Variants in GPM6B observed in about 807,000 individuals in gnomAD.
GPM6B encodes glycoprotein M6B, also known as neuronal membrane glycoprotein M6-b.
In GPM6B, 4 loss-of-function variants were observed where a neutral mutation model predicts 27.2. That is an observed-to-expected ratio of 0.15 (90% confidence interval 0.07 to 0.34). The LOEUF (loss-of-function observed/expected upper bound fraction) is 0.34. Among genes scored for constraint, GPM6B ranks in the 10% least tolerant of loss-of-function variants. The pLI is 1.00. For missense variants in GPM6B, 183 were observed against 261.9 expected, an observed-to-expected ratio of 0.70 and a Z score of 2.08; for synonymous variants, 124 against 103.1, an observed-to-expected ratio of 1.20 and a Z score of -1.23.
intron 1 of GPM6B, among the ~76,000 whole-genome samples, chrX:13,827,781 G>C (rs1450033912): frequency 8.9e-6 from 1 of 112,407 alleles, no homozygotes; most frequent in Non-Finnish European, 1.9e-5. Flanking sequence ...AAGTGCAGCA[G>C]AAGTAGCGAT....
chrX:13,925,881 C>T (rs1037447076), intron 1 of GPM6B, among the ~76,000 whole-genome samples: 1 of 107,236 alleles, frequency 9.3e-6, no homozygotes, highest in African/African-American at 3.4e-5. Context: ...GGTGAAACCC[C>T]ATCTCTACTA....
chrX:13,924,148 A>G lies in GPM6B; in HGVS notation c.-198+14179T>C, dbSNP rs1035230241. 3.6e-5 allele frequency among the ~76,000 whole-genome samples: 4 copies of G among 112,380 alleles called. No homozygotes were observed. In the Admixed American group the frequency reaches 3.8e-4, roughly 11 times the overall value. On this transcript the variant is annotated intron_variant, in intron 1 of 6. Transcript: ENST00000398361. ...CCAACACAGAGTACAATTGCTACAC[A>G]GCAGACTCATCTGCATATAACCTTA...
chrX:13,916,541 C>A (rs1006305235), intron 1 of GPM6B, among the ~76,000 whole-genome samples: 3 of 111,618 alleles, frequency 2.7e-5, no homozygotes, highest in Non-Finnish European at 3.8e-5. Context: ...CCACAAAGCC[C>A]AGCACCTTCC....
rs556161706 is a variant in GPM6B at position 13,844,757 on chromosome X, C to G, written c.-197-58949G>C. ...TGGTTGTCTATAGCTACAAGTGGTT[C>G]CCCCTCAAAGTCAGCCAACATCTTT... On this transcript the variant is annotated intron_variant, in intron 1 of 6. Transcript: ENST00000398361. Among the ~76,000 whole-genome samples the G allele has an allele frequency of 1.7e-4, 19 of 111,581 alleles. No individual in the cohort carries two copies. The South Asian group carries it at 6.8e-3, about 40-fold the overall frequency.
intron 2 of GPM6B, among the ~76,000 whole-genome samples, chrX:13,789,636 G>A (rs974102352): frequency 1.8e-4 from 20 of 110,987 alleles, no homozygotes; most frequent in East Asian, 1.4e-3. Context: ...TTAGCTGGGC[G>A]TGGTGGTGGG....
At chrX:13,861,107 C>T (rs1410536223) in intron 1 of GPM6B, among the ~76,000 whole-genome samples, 1 of 104,984 alleles carries the variant, frequency 9.5e-6, no homozygotes, top group African/African-American at 3.6e-5. Context: ...CATACATATA[C>T]ACACATATAT....
chrX:13,902,446 C>A (rs2050290542), intron 1 of GPM6B, among the ~76,000 whole-genome samples: 1 of 110,854 alleles, frequency 9.0e-6, no homozygotes, highest in African/African-American at 3.3e-5. Flanking sequence ...AAAATGCTTT[C>A]TCAACATCGC....
At chrX:13,803,303 G>A (rs1295451650) in intron 2 of GPM6B, among the ~76,000 whole-genome samples, 1 of 109,511 alleles carries the variant, frequency 9.1e-6, no homozygotes, top group Non-Finnish European at 1.9e-5. Context: ...TCTGCTACCC[G>A]CCCCCACCCC....
At chrX:13,915,500 C>A (rs2050419832) in intron 1 of GPM6B, among the ~76,000 whole-genome samples, 2 of 111,719 alleles carry the variant, frequency 1.8e-5, no homozygotes, top group Admixed American at 9.5e-5. Flanking sequence ...ACTGACTGCA[C>A]CCCCTCCATC....
At chrX:13,875,415 C>A (rs1471361654) in intron 1 of GPM6B, among the ~76,000 whole-genome samples, 1 of 111,584 alleles carries the variant, frequency 9.0e-6, no homozygotes, top group East Asian at 2.8e-4. Context: ...TGAAAGAGAA[C>A]AGACATCATA....
At chrX:13,792,683 C>T (rs1044518067) in intron 2 of GPM6B, among the ~76,000 whole-genome samples, 4 of 111,473 alleles carry the variant, frequency 3.6e-5, no homozygotes, top group African/African-American at 9.8e-5. Context: ...AGGCAGATCA[C>T]GAGGTCAGGA....
chrX:13,857,718 T>C (rs61406983), intron 1 of GPM6B, among the ~76,000 whole-genome samples: 1,932 of 112,685 alleles, frequency 0.017, 37 homozygotes, highest in East Asian at 0.14. Flanking sequence ...AATTGCATGT[T>C]ATCTAAAACT....
At chrX:13,806,716 G>A (rs2049028657) in intron 2 of GPM6B, among the ~76,000 whole-genome samples, 1 of 111,465 alleles carries the variant, frequency 9.0e-6, no homozygotes, top group Non-Finnish European at 1.9e-5. Context: ...GCCCTTTCTG[G>A]AGCTGTACCA....
chrX:13,797,744 C>T (rs1362678945), intron 2 of GPM6B, among the ~76,000 whole-genome samples: 2 of 111,084 alleles, frequency 1.8e-5, no homozygotes, highest in Non-Finnish European at 3.8e-5. Context: ...CAGTGGTAGG[C>T]GGTGGCAGAA....
intron 1 of GPM6B, among the ~76,000 whole-genome samples, chrX:13,833,737 CA>C (rs1167070606): frequency 9.0e-6 from 1 of 111,250 alleles, no homozygotes; most frequent in Non-Finnish European, 1.9e-5. Context: ...AAAACAAAAA[CA>C]AAACTGTGTT....
chrX:13,925,751 T>C (rs969902604), intron 1 of GPM6B, among the ~76,000 whole-genome samples: 4 of 111,322 alleles, frequency 3.6e-5, no homozygotes, highest in East Asian at 5.6e-4. Context: ...AGTAAATACA[T>C]TGACTATCAT....
chrX:13,838,888 C>A (rs1041099519), intron 1 of GPM6B, among the ~76,000 whole-genome samples: 1 of 111,325 alleles, frequency 9.0e-6, no homozygotes, highest in African/African-American at 3.3e-5. Context: ...AATTCTAAGC[C>A]CCCAACCTAT....
chrX:13,816,074 A>G (rs932896672), intron 1 of GPM6B, among the ~76,000 whole-genome samples: 1 of 112,312 alleles, frequency 8.9e-6, no homozygotes. Context: ...ACTTGAAATC[A>G]GTCATTATTT....
At chrX:13,875,181 T>C (rs1027145210) in intron 1 of GPM6B, among the ~76,000 whole-genome samples, 1 of 111,290 alleles carries the variant, frequency 9.0e-6, no homozygotes, top group Non-Finnish European at 1.9e-5. Flanking sequence ...ATCTCCATCC[T>C]TGAGATGGTG....
Sources: gnomAD v4.1 joint callset for allele counts (sites outside exome capture counted in the v4.1 genomes callset) on GRCh38, gnomAD v4.1.1 for gene constraint, MANE v1.5 for transcripts, NCBI Gene and HGNC (gene_info 2026-07-23, HGNC 2026-07-21) for gene names.